CADM1: variants seen among roughly 807,000 people sequenced by gnomAD.
The protein encoded by CADM1 is TSLC-1.
In CADM1, 15 loss-of-function variants were observed where a neutral mutation model predicts 53.1. The ratio of observed to expected loss-of-function variants is 0.28; its 90% CI spans 0.19 to 0.44. The LOEUF (loss-of-function observed/expected upper bound fraction) is 0.44, where lower values mean the gene tolerates loss of function less well. Among genes scored for constraint, CADM1 ranks in the 20% least tolerant of loss-of-function variants. The pLI, the probability that CADM1 is intolerant of heterozygous loss-of-function variation, is 1.00. For missense variants in CADM1, 434 were observed against 611.3 expected, an observed-to-expected ratio of 0.71 and a Z score of 3.06; for synonymous variants, 281 against 243.0, an observed-to-expected ratio of 1.16 and a Z score of -1.45.
At position 115,459,199 on chromosome 11, in the gene CADM1, G is replaced by A. The variant is rs576942746; in HGVS notation, c.124+45072C>T. On this transcript the variant is annotated intron_variant, in intron 1 of 11. Coordinates refer to ENST00000331581, the MANE Select transcript of CADM1 (RefSeq NM_001301043.2). ...ACAATGCACTTCTGTATTCCGGTCA[G>A]TGATCTGTCTCTGGTCTGATTCCTT... 2.2e-4 allele frequency among the ~76,000 whole-genome samples: 34 copies of A among 152,290 alleles called. No individual in the cohort carries two copies. In the South Asian group the frequency reaches 3.1e-3, roughly 14 times the overall value.
At chr11:115,328,984 A>G (rs1293443847) in intron 1 of CADM1, among the ~76,000 whole-genome samples, 1 of 151,332 alleles carries the variant, frequency 6.6e-6, no homozygotes, top group Non-Finnish European at 1.5e-5. Flanking sequence ...AGTTATTTTT[A>G]TAACTTTAAT....
chr11:115,227,527 T>C (rs73574117), intron 5 of CADM1, among the ~76,000 whole-genome samples: 1,726 of 152,268 alleles, frequency 0.011, 33 homozygotes, highest in African/African-American at 0.038. Context: ...ACAAGGAAAG[T>C]TAATGGATAT....
intron 1 of CADM1, among the ~76,000 whole-genome samples, chr11:115,356,605 T>A (rs879919732): frequency 2.6e-5 from 4 of 152,212 alleles, no homozygotes; most frequent in Admixed American, 1.3e-4. Flanking sequence ...GGATTTTTTT[T>A]AAATGTGGCT....
At chr11:115,181,200 C>G (rs1939296203) in intron 10 of CADM1, among the ~76,000 whole-genome samples, 1 of 152,002 alleles carries the variant, frequency 6.6e-6, no homozygotes, top group South Asian at 2.1e-4. Context: ...GAGAGAGGCT[C>G]TGTGACAAAG....
chr11:115,249,580 C>T (rs1307639257), intron 1 of CADM1, among the ~76,000 whole-genome samples: 1 of 152,174 alleles, frequency 6.6e-6, no homozygotes. Context: ...AAACTCAAAA[C>T]ACATATTTGA....
intron 8 of CADM1, among the ~76,000 whole-genome samples, chr11:115,201,188 C>G (rs1232742799): frequency 2.0e-5 from 3 of 152,102 alleles, no homozygotes; most frequent in Admixed American, 6.5e-5. Flanking sequence ...ATGGCAAAAC[C>G]CGGAGCAGCA....
chr11:115,252,944 G>A (rs1360247673), intron 1 of CADM1, among the ~76,000 whole-genome samples: 1 of 152,156 alleles, frequency 6.6e-6, no homozygotes, highest in Non-Finnish European at 1.5e-5. Context: ...ACATCCATGA[G>A]TTACTGAAAT....
chr11:115,235,749 G>C (rs929471003), intron 3 of CADM1, among the ~76,000 whole-genome samples: 1 of 152,104 alleles, frequency 6.6e-6, no homozygotes, highest in African/African-American at 2.4e-5. Flanking sequence ...CCTGTTCCTG[G>C]AATCTTAAGA....
chr11:115,469,080 G>T (rs1434583091), intron 1 of CADM1, among the ~76,000 whole-genome samples: 7 of 152,284 alleles, frequency 4.6e-5, no homozygotes, highest in African/African-American at 1.7e-4. Flanking sequence ...TACAGTTCAA[G>T]ATGAGATTTA....
In CADM1 at chr11:115,174,791, T is replaced by C. The variant is rs528083931; in HGVS notation, c.*1683A>G. On this transcript the variant is annotated 3_prime_UTR_variant, in exon 12 of 12. Coordinates refer to ENST00000331581, the MANE Select transcript of CADM1 (RefSeq NM_001301043.2). ...TATCTTTTTTGATGCCATCTTTCCA[T>C]AGGGACTGTTAGCTGGAGTCTGGAG... is the stretch of plus-strand genomic sequence containing the variant. 9.1e-4 allele frequency: 857 copies of C among 943,860 alleles called. 3 individuals are homozygous for C. Among genetic ancestry groups the C allele is most frequent in the Non-Finnish European group, 1.0e-3 (830 of 792,000 alleles). The allele number at this position is 943,860 out of a possible 1,614,324, so 58.5% of individuals were successfully genotyped here.
At chr11:115,270,066 A>C (rs957383037) in intron 1 of CADM1, among the ~76,000 whole-genome samples, 4 of 152,200 alleles carry the variant, frequency 2.6e-5, no homozygotes. Context: ...CCTTCTCTTC[A>C]AATACATCCC....
At chr11:115,180,917 G>T (rs1459983552) in intron 10 of CADM1, among the ~76,000 whole-genome samples, 1 of 152,236 alleles carries the variant, frequency 6.6e-6, no homozygotes, top group African/African-American at 2.4e-5. Flanking sequence ...TGTGTCTTTC[G>T]ATGAACTCTG....
intron 1 of CADM1, among the ~76,000 whole-genome samples, chr11:115,348,465 T>C (rs1267870496): frequency 6.6e-6 from 1 of 152,206 alleles, no homozygotes; most frequent in Non-Finnish European, 1.5e-5. Context: ...GGCACTCAGT[T>C]ACCACACAAA....
At chr11:115,219,472 T>C (rs73572138) in intron 5 of CADM1, among the ~76,000 whole-genome samples, 1,748 of 152,302 alleles carry the variant, frequency 0.011, 33 homozygotes, top group African/African-American at 0.038. Context: ...TAGTGCTTTC[T>C]GAGAAGCTAA....
intron 3 of CADM1, among the ~76,000 whole-genome samples, chr11:115,237,922 T>C (rs200432439): frequency 1.3e-5 from 2 of 152,242 alleles, no homozygotes; most frequent in East Asian, 3.8e-4. Context: ...TTATTACCAG[T>C]TAAAGTGCTC....
chr11:115,350,250 C>T (rs1475711884), intron 1 of CADM1, among the ~76,000 whole-genome samples: 2 of 152,200 alleles, frequency 1.3e-5, no homozygotes, highest in African/African-American at 4.8e-5. Flanking sequence ...GGATTACAGG[C>T]GTGAGCCACC....
chr11:115,483,641 A>G (rs1429934530), intron 1 of CADM1, among the ~76,000 whole-genome samples: 5 of 152,246 alleles, frequency 3.3e-5, no homozygotes, highest in Non-Finnish European at 7.3e-5. Flanking sequence ...GTGAATATCA[A>G]TATAACTCAA....
intron 1 of CADM1, among the ~76,000 whole-genome samples, chr11:115,433,568 C>T (rs1164358946): frequency 6.6e-6 from 1 of 152,144 alleles, no homozygotes; most frequent in Non-Finnish European, 1.5e-5. Flanking sequence ...AAGAAAGGAA[C>T]AGAAGGAAGC....
chr11:115,223,917 A>T (rs547396075), intron 5 of CADM1, among the ~76,000 whole-genome samples: 1 of 151,640 alleles, frequency 6.6e-6, no homozygotes, highest in Non-Finnish European at 1.5e-5. Context: ...TGCTTTAAAA[A>T]AAAAATAAAA....
Sources: gnomAD v4.1 joint callset for allele counts (sites outside exome capture counted in the v4.1 genomes callset) on GRCh38, gnomAD v4.1.1 for gene constraint, MANE v1.5 for transcripts, NCBI Gene and HGNC (gene_info 2026-07-23, HGNC 2026-07-21) for gene names.